The following NPAS3 variants were observed in gnomAD, a reference collection of about 807,000 sequenced individuals.
The protein encoded by NPAS3 is neuronal PAS domain-containing protein 3.
A neutral mutation model predicts 73.1 loss-of-function variants in NPAS3; 14 were observed. That is an observed-to-expected ratio of 0.19 (90% CI 0.13 to 0.30). The LOEUF is 0.30. Among genes scored for constraint, NPAS3 ranks in the 10% least tolerant of loss-of-function variants. NPAS3 has a pLI of 1.00. For missense variants in NPAS3, 1,096 were observed against 1,250.0 expected (o/e 0.88, Z 1.86); for synonymous variants, 620 against 541.5 (o/e 1.14, Z -2.01).
At chr14:33,300,674 A>G (rs918698099) in intron 3 of NPAS3, among the ~76,000 whole-genome samples, 3 of 152,118 alleles carry the variant, frequency 2.0e-5, no homozygotes, top group African/African-American at 7.2e-5. Context: ...GGCTGGCCAT[A>G]GAGCAGGGGA....
intron 3 of NPAS3, among the ~76,000 whole-genome samples, chr14:33,325,521 T>C (rs1043639909): frequency 4.0e-5 from 6 of 151,778 alleles, no homozygotes; most frequent in Non-Finnish European, 8.8e-5. Flanking sequence ...TGGTGGGTGC[T>C]TGTAATCCCA....
intron 4 of NPAS3, among the ~76,000 whole-genome samples, chr14:33,395,641 C>T (rs545608791): frequency 6.6e-6 from 1 of 151,906 alleles, no homozygotes; most frequent in Non-Finnish European, 1.5e-5. Flanking sequence ...ATATTAAATA[C>T]AAATTTTAAG....
intron 5 of NPAS3, among the ~76,000 whole-genome samples, chr14:33,615,579 T>C (rs1367963773): frequency 1.3e-5 from 2 of 152,214 alleles, no homozygotes; most frequent in Non-Finnish European, 2.9e-5. Flanking sequence ...AACAGAAATA[T>C]GAGCAGAAAG....
At chr14:33,178,805 G>T (rs2045691143) in intron 2 of NPAS3, among the ~76,000 whole-genome samples, 2 of 152,022 alleles carry the variant, frequency 1.3e-5, no homozygotes, top group Non-Finnish European at 2.9e-5. Flanking sequence ...TTGATATATT[G>T]TATTCTTTTT....
rs1227048733 is a variant in NPAS3 at position 33,527,844 on chromosome 14, T to C, written c.469-32277T>C. 3.9e-5 allele frequency among the ~76,000 whole-genome samples: 6 copies of C among 152,090 alleles called. No homozygotes were observed. The South Asian group carries it at 6.2e-4, about 16-fold the overall frequency. On this transcript the variant is annotated intron_variant, in intron 4 of 11. Transcript: ENST00000356141. ...TGGGTTTTAAGGGACTTTCAGATATTGCATCCTGATCTCCCTGCCAGAGGG... is the reference window on the plus strand; with the variant it reads ...TGGGTTTTAAGGGACTTTCAGATATCGCATCCTGATCTCCCTGCCAGAGGG...
intron 6 of NPAS3, among the ~76,000 whole-genome samples, chr14:33,722,970 G>T (rs2061158378): frequency 6.6e-6 from 1 of 152,076 alleles, no homozygotes. Context: ...ATTAACAGAA[G>T]ATACTGATTC....
intron 9 of NPAS3, among the ~76,000 whole-genome samples, chr14:33,784,753 T>TTATTTTTTA (rs1566538752): frequency 4.3e-5 from 3 of 70,518 alleles, no homozygotes; most frequent in Non-Finnish European, 9.9e-5. Context: ...TTATTTTTTT[T>TTATTTTTTA]TTTTTTTTTT....
chr14:32,947,418 C>T (rs974167017), intron 1 of NPAS3, among the ~76,000 whole-genome samples: 1 of 152,042 alleles, frequency 6.6e-6, no homozygotes, highest in Non-Finnish European at 1.5e-5. Context: ...ATTTTATTAA[C>T]TAGTATGTAT....
At chr14:33,241,740 G>A (rs2048220665) in intron 3 of NPAS3, among the ~76,000 whole-genome samples, 1 of 151,974 alleles carries the variant, frequency 6.6e-6, no homozygotes, top group Admixed American at 6.6e-5. Flanking sequence ...GGAGCTTGTT[G>A]AATAAAGAAA....
At chr14:33,506,090 A>G (rs1327944159) in intron 4 of NPAS3, among the ~76,000 whole-genome samples, 1 of 151,760 alleles carries the variant, frequency 6.6e-6, no homozygotes, top group Non-Finnish European at 1.5e-5. Context: ...GCCACTCCCT[A>G]TCCTCCTCCT....
chr14:33,190,184 T>G (rs932281549), intron 2 of NPAS3, among the ~76,000 whole-genome samples: 2 of 152,236 alleles, frequency 1.3e-5, no homozygotes, highest in Admixed American at 6.5e-5. Context: ...ATTACAATAT[T>G]CATCCAATGA....
intron 1 of NPAS3, among the ~76,000 whole-genome samples, chr14:33,022,542 G>A (rs2039638968): frequency 6.6e-6 from 1 of 151,932 alleles, no homozygotes; most frequent in African/African-American, 2.4e-5. Context: ...GCGGGAGCCT[G>A]TAGTCCTAGC....
intron 8 of NPAS3, among the ~76,000 whole-genome samples, chr14:33,777,560 TAA>T (rs5807745): frequency 4.3e-5 from 6 of 140,854 alleles, no homozygotes; most frequent in South Asian, 2.2e-4. Context: ...CCGTAAGTCA[TAA>T]AAAAAAAAAA....
intron 5 of NPAS3, among the ~76,000 whole-genome samples, chr14:33,563,107 CAGG>C (rs1440275262): frequency 5.9e-5 from 9 of 152,108 alleles, no homozygotes; most frequent in Non-Finnish European, 1.2e-4. Flanking sequence ...TGAAATTGTT[CAGG>C]AGGACTGTGA....
At chr14:33,210,228 CT>C (rs34564051) in intron 2 of NPAS3, among the ~76,000 whole-genome samples, 1 of 152,158 alleles carries the variant, frequency 6.6e-6, no homozygotes, top group Non-Finnish European at 1.5e-5. Context: ...CCAAAGCTAT[CT>C]TTTTTTCCCA....
At chr14:33,708,893 G>T (rs1232412105) in intron 6 of NPAS3, among the ~76,000 whole-genome samples, 1 of 152,136 alleles carries the variant, frequency 6.6e-6, no homozygotes, top group African/African-American at 2.4e-5. Context: ...ACTAGGGTTT[G>T]GTCATGCAGA....
intron 4 of NPAS3, among the ~76,000 whole-genome samples, chr14:33,485,107 C>G (rs1446695757): frequency 1.3e-5 from 2 of 152,076 alleles, no homozygotes; most frequent in African/African-American, 4.8e-5. Flanking sequence ...AAAATAAAAT[C>G]CCAAGACTCA....
intron 1 of NPAS3, among the ~76,000 whole-genome samples, chr14:33,054,610 CTGAGTT>C (rs2040817890): frequency 1.0e-5 from 1 of 100,010 alleles, no homozygotes; most frequent in Admixed American, 1.4e-4. Flanking sequence ...AAAAACTTAT[CTGAGTT>C]TTTTTTTTTT....
rs10148736 is a variant in NPAS3 at position 33,075,135 on chromosome 14, C to A, written c.140+19141C>A. 6.4e-3 allele frequency among the ~76,000 whole-genome samples: 972 copies of A among 152,230 alleles called. 10 individuals are homozygous for A. The highest frequency in any genetic ancestry group is 0.023 in the African/African-American group (937 of 41,524). ...CATCAACCCAGTTTTTGTAGGAATT[C>A]TGACTTAAACAATTTAAGGTCTTAC... is the stretch of plus-strand genomic sequence containing the variant. On this transcript the variant is annotated intron_variant, in intron 2 of 11. Transcript: ENST00000356141.
Sources: gnomAD v4.1 joint callset for allele counts (sites outside exome capture counted in the v4.1 genomes callset) on GRCh38, gnomAD v4.1.1 for gene constraint, MANE v1.5 for transcripts, NCBI Gene and HGNC (gene_info 2026-07-23, HGNC 2026-07-21) for gene names.